Variants in USP50 observed in about 807,000 individuals in gnomAD.
USP50 encodes the protein ubiquitin carboxyl-terminal hydrolase 50.
Under a neutral mutation model 39.2 loss-of-function variants are expected in USP50, and 37 were observed. The observed-to-expected ratio is 0.94, with a 90% confidence interval of 0.73 to 1.24. The LOEUF is 1.24. USP50 is among the 50% of genes most tolerant of loss of function. The probability of loss-of-function intolerance (pLI) is 0.00; values close to 1 mark genes in which losing one functional copy is unlikely to be tolerated. For synonymous variants in USP50, 139 were observed against 144.5 expected (o/e 0.96, Z 0.27); for missense variants, 374 against 398.2 (o/e 0.94, Z 0.52).
chr15:50,507,062 C>T (rs1224702439), intron 6 of USP50: 2 of 151,490 alleles, frequency 1.3e-5, no homozygotes, highest in Non-Finnish European at 2.9e-5. Flanking sequence ...GCAGGCGGAT[C>T]ACCTGAGATC....
Position 50,542,481 on chromosome 15 carries a change from A to ATT in USP50, c.444+1115_444+1116dup, listed in dbSNP as rs11292495. On this transcript the variant is annotated intron_variant, in intron 3 of 6. Transcript: ENST00000532404. ...GTTTTTGTTTTTTTTTTTCCTTTTCATTTTTTTTTTTTTTTTTTTTTCTTG... is the reference window on the plus strand; with the variant it reads ...GTTTTTGTTTTTTTTTTTCCTTTTCATTTTTTTTTTTTTTTTTTTTTTTCTTG... Among the ~76,000 whole-genome samples, 414 of 97,406 alleles carry ATT rather than the reference A, an allele frequency of 4.3e-3. 3 individuals are homozygous for ATT. The highest frequency in any genetic ancestry group is 0.017 in the Middle Eastern group (2 of 118). 63.9% of individuals were successfully genotyped at this position (97,406 alleles called of 152,430 possible). A position where few individuals can be genotyped will look rare whatever the true frequency, so the allele number is the denominator to read the frequency against.
At chr15:50,541,300 T>C (rs752344068) in intron 3 of USP50, 36 bp from the exon 4 acceptor site, 3 of 1,569,184 alleles carry the variant, frequency 1.9e-6, no homozygotes, top group Admixed American at 3.4e-5. Flanking sequence ...AAATTAATTA[T>C]TGGTTATTTA....
chr15:50,514,995 A>T (rs1347440921), intron 6 of USP50, among the ~76,000 whole-genome samples: 7 of 39,984 alleles, frequency 1.8e-4, no homozygotes, highest in Admixed American at 3.6e-4. Context: ...GACACAGTCT[A>T]AAAAAAAAAA....
intron 6 of USP50, chr15:50,513,329 A>C (rs2052762117): frequency 6.6e-6 from 1 of 152,178 alleles, no homozygotes; most frequent in Non-Finnish European, 1.5e-5. Flanking sequence ...AATTTATGAT[A>C]TATTCACACA....
At chr15:50,503,532 T>C (rs1274851138) in intron 6 of USP50, 3 of 152,174 alleles carry the variant, frequency 2.0e-5, no homozygotes, top group Admixed American at 1.3e-4. Flanking sequence ...TTTAAAGACA[T>C]TCACCCTCAA....
chr15:50,506,310 A>G (rs1297609915), intron 6 of USP50: 3 of 152,306 alleles, frequency 2.0e-5, no homozygotes, highest in African/African-American at 7.2e-5. Context: ...CTCCTGTCAG[A>G]TCAGCTGCTG....
At chr15:50,499,715 T>TTAA (rs2052544156), downstream of USP50, 2 of 152,276 alleles carry the variant, frequency 1.3e-5, no homozygotes, top group South Asian at 4.1e-4. Context: ...AATGGAAACT[T>TTAA]TAATTTTTTT....
chr15:50,545,289 C>A (rs2053062555), intron 1 of USP50, among the ~76,000 whole-genome samples: 1 of 151,894 alleles, frequency 6.6e-6, no homozygotes. Flanking sequence ...TATTTAAGTA[C>A]TTAACATGCA....
intron 6 of USP50, 80 bp from the exon 7 acceptor site, chr15:50,500,917 T>C: frequency 1.7e-6 from 2 of 1,194,254 alleles, no homozygotes; most frequent in Non-Finnish European, 2.4e-6. Flanking sequence ...GGCCAAGAGA[T>C]GCTTTTTAAA....
At chr15:50,544,819 G>A (rs576128080) in intron 1 of USP50, 38 bp from the exon 2 acceptor site, 3 of 1,570,254 alleles carry the variant, frequency 1.9e-6, no homozygotes, top group Non-Finnish European at 2.6e-6. Flanking sequence ...GGTTTTGAGA[G>A]AACAAAATAT....
At chr15:50,525,892 A>C (rs2141367857) in intron 6 of USP50, among the ~76,000 whole-genome samples, 1 of 152,022 alleles carries the variant, frequency 6.6e-6, no homozygotes, top group East Asian at 1.9e-4. Flanking sequence ...TAGAAGAATA[A>C]GTTCAGTATG....
intron 3 of USP50, among the ~76,000 whole-genome samples, chr15:50,543,169 G>A (rs933000849): frequency 9.9e-5 from 15 of 152,160 alleles, no homozygotes; most frequent in African/African-American, 3.6e-4. Context: ...TCATGGATTT[G>A]TAGGTCCCAA....
downstream of USP50, chr15:50,499,051 C>G: frequency 6.2e-7 from 1 of 1,612,908 alleles, no homozygotes; most frequent in Non-Finnish European, 8.5e-7. Flanking sequence ...CTCTTTTATA[C>G]TTCATTGGGA....
chr15:50,529,747 TG>T (rs748015799), intron 6 of USP50, 49 bp downstream of exon 6: 2 of 1,584,322 alleles, frequency 1.3e-6, no homozygotes, highest in Non-Finnish European at 1.7e-6. Flanking sequence ...CAGATAATTC[TG>T]GAGTTTTCTT....
intron 6 of USP50, chr15:50,510,702 TAA>T: frequency 6.6e-6 from 1 of 152,194 alleles, no homozygotes; most frequent in Middle Eastern, 3.4e-3. Flanking sequence ...GTGAAAGTAA[TAA>T]AAGTGTATAC....
chr15:50,515,142 G>C (rs1201166671), intron 6 of USP50, among the ~76,000 whole-genome samples: 3 of 151,720 alleles, frequency 2.0e-5, no homozygotes, highest in Non-Finnish European at 4.4e-5. Context: ...TGGTTTTCCT[G>C]TTCAATTCTA....
chr15:50,545,778 C>T (rs1031757257), intron 1 of USP50, among the ~76,000 whole-genome samples: 4 of 151,778 alleles, frequency 2.6e-5, no homozygotes, highest in African/African-American at 9.7e-5. Flanking sequence ...CCCAACTATG[C>T]CGTTTATTAA....
In USP50 at chr15:50,543,598, C is replaced by A; in HGVS notation, c.444G>T (p.Lys148Asn). The change falls in exon 3 of 7, where the codon AAG (lysine) becomes AAT (asparagine). Residue 148 changes from lysine to asparagine, a missense_variant and splice_region_variant. Transcript: ENST00000532404. Reference sequence around the variant, plus strand: ...TTTCAAGGTCATTAACTCTACTTACCTTTTTTAGAGCTTCATGAAGTTCAT... The same window carrying A: ...TTTCAAGGTCATTAACTCTACTTACATTTTTTAGAGCTTCATGAAGTTCAT... ...VLNELHEALKKYHYSRRRSYE... is the reference protein window; with the variant it reads ...VLNELHEALKNYHYSRRRSYE... 6.2e-7 allele frequency: 1 copy of A among 1,611,852 alleles called. No homozygotes were observed. Among genetic ancestry groups the A allele is most frequent in the Non-Finnish European group, 8.5e-7 (1 of 1,178,866 alleles).
chr15:50,495,933 A>G (rs2052383913), downstream of USP50: 3 of 1,613,806 alleles, frequency 1.9e-6, no homozygotes, highest in Middle Eastern at 1.7e-4. Context: ...CAGAAACACA[A>G]GCAGCTCAAT....
Sources: allele counts gnomAD v4.1 joint callset (sites outside exome capture counted in the v4.1 genomes callset), GRCh38; gene constraint gnomAD v4.1.1; transcripts MANE v1.5; gene names NCBI Gene and HGNC (gene_info 2026-07-23, HGNC 2026-07-21).